The following CTNND2 variants were observed in gnomAD, a reference collection of about 807,000 sequenced individuals.
CTNND2 encodes the protein catenin delta-2.
CTNND2 carries 22 observed loss-of-function variants against 144.4 expected under a neutral mutation model. The ratio of observed to expected loss-of-function variants is 0.15; its 90% CI spans 0.11 to 0.22. The LOEUF (loss-of-function observed/expected upper bound fraction) is 0.22, where lower values mean the gene tolerates loss of function less well. Ranked by LOEUF, CTNND2 falls within the 10% of genes least tolerant of loss-of-function variation. The pLI is 1.00. For missense variants in CTNND2, 1,353 were observed against 1,618.8 expected (o/e 0.84, Z 2.82); for synonymous variants, 751 against 695.6 (o/e 1.08, Z -1.25).
At chr5:11,253,653 G>A (rs575024656) in intron 9 of CTNND2, among the ~76,000 whole-genome samples, 414 of 152,254 alleles carry the variant, frequency 2.7e-3, no homozygotes, top group Non-Finnish European at 4.4e-3. Flanking sequence ...TATCAGCAGT[G>A]TGAAAACAGA....
chr5:11,148,079 T>G (rs763544859), intron 12 of CTNND2, among the ~76,000 whole-genome samples: 7 of 152,180 alleles, frequency 4.6e-5, no homozygotes, highest in Non-Finnish European at 1.0e-4. Flanking sequence ...ATAAAAGTCA[T>G]CTATTGTAGG....
chr5:11,563,457 C>T (rs1395010597), intron 3 of CTNND2, among the ~76,000 whole-genome samples: 2 of 152,078 alleles, frequency 1.3e-5, no homozygotes, highest in Admixed American at 1.3e-4. Flanking sequence ...TTTCTCTCTC[C>T]CTAAATTCAC....
At chr5:11,388,538 T>A (rs1275898150) in intron 6 of CTNND2, among the ~76,000 whole-genome samples, 1 of 152,238 alleles carries the variant, frequency 6.6e-6, no homozygotes, top group Non-Finnish European at 1.5e-5. Flanking sequence ...GGTGCTATAC[T>A]CCATTTCAAT....
In CTNND2 at chr5:11,392,875, C is replaced by T. The variant is rs61749816; in HGVS notation, c.612+4156G>A. Among the ~76,000 whole-genome samples the T allele has an allele frequency of 1.9e-3, 285 of 152,324 alleles. 2 individuals are homozygous for T. The highest frequency in any genetic ancestry group is 6.7e-3 in the African/African-American group (278 of 41,574). ...CTCTGCAGGTTTTACCTAACAACAA[C>T]TTATTTCATAATTAAGCAAATGGGA... is the stretch of plus-strand genomic sequence containing the variant. On this transcript the variant is annotated intron_variant, in intron 6 of 21. Transcript: ENST00000304623.
In CTNND2 at chr5:11,903,628, G is replaced by A. The variant is rs1179066769; in HGVS notation, c.37+189C>T. 1.3e-5 allele frequency among the ~76,000 whole-genome samples: 2 copies of A among 152,164 alleles called. No homozygotes were observed. Among genetic ancestry groups the A allele is most frequent in the Non-Finnish European group, 2.9e-5 (2 of 68,034 alleles). ...GGCACTAACCCCGGACCCCCTTCCA[G>A]GCACAGCGGCTTCCGAGGGGGACCT... On this transcript the variant is annotated intron_variant, in intron 1 of 21. Transcript: ENST00000304623. The surrounding 1 kb of genome is among the most constrained non-coding windows in gnomAD (Gnocchi z 5.4).
chr5:11,481,447 C>T (rs1455419874), intron 3 of CTNND2, among the ~76,000 whole-genome samples: 2 of 152,016 alleles, frequency 1.3e-5, no homozygotes, highest in Admixed American at 6.6e-5. Flanking sequence ...TCTGTCTCTA[C>T]AAAAAATTAG....
At chr5:11,037,557 T>C (rs183191460) in intron 16 of CTNND2, among the ~76,000 whole-genome samples, 385 of 152,302 alleles carry the variant, frequency 2.5e-3, no homozygotes, top group Non-Finnish European at 4.7e-3. Flanking sequence ...TTTGAGAAAG[T>C]GGAGTGCCTA....
rs61750298 is a variant in CTNND2, at chr5:11,075,406, C to T, written c.2788+7290G>A. 5.3e-5 allele frequency among the ~76,000 whole-genome samples: 8 copies of T among 152,352 alleles called. No homozygotes were observed. The East Asian group carries it at 1.5e-3, about 29-fold the overall frequency. On this transcript the variant is annotated intron_variant, in intron 16 of 21. Transcript: ENST00000304623. Reference sequence around the variant, plus strand: ...CGTCAGTCAAAGGAAGATTCTTACACAGCCTCCCCAATGTGGTGAAGCAGC... The same window carrying T: ...CGTCAGTCAAAGGAAGATTCTTACATAGCCTCCCCAATGTGGTGAAGCAGC...
intron 1 of CTNND2, among the ~76,000 whole-genome samples, chr5:11,893,983 T>C (rs1225503371): frequency 6.6e-6 from 1 of 152,218 alleles, no homozygotes; most frequent in African/African-American, 2.4e-5. Context: ...TTGACTTCTT[T>C]ACTTCCTTCA....
At chr5:11,024,158 C>T (rs7702184) in intron 16 of CTNND2, among the ~76,000 whole-genome samples, 32,972 of 152,082 alleles carry the variant, frequency 0.22, 6,582 homozygotes, top group East Asian at 0.53. Context: ...TGGGAGTAGG[C>T]GATGATATCT....
intron 9 of CTNND2, among the ~76,000 whole-genome samples, chr5:11,240,853 AC>A (rs545104685): frequency 2.6e-4 from 37 of 140,168 alleles, no homozygotes; most frequent in African/African-American, 5.7e-4. Context: ...CACACCCAAC[AC>A]ATACACTCAG....
chr5:11,188,997 G>A (rs1735968277), intron 11 of CTNND2, among the ~76,000 whole-genome samples: 1 of 152,136 alleles, frequency 6.6e-6, no homozygotes, highest in Admixed American at 6.5e-5. Context: ...ATTTGTCTCA[G>A]TTTATTGTCT....
At chr5:11,550,415 G>A (rs1463839033) in intron 3 of CTNND2, among the ~76,000 whole-genome samples, 1 of 152,190 alleles carries the variant, frequency 6.6e-6, no homozygotes, top group Non-Finnish European at 1.5e-5. Context: ...AAAATGACGA[G>A]GACTTCCCAA....
chr5:11,261,383 T>G (rs959998349), intron 9 of CTNND2, among the ~76,000 whole-genome samples: 3 of 152,214 alleles, frequency 2.0e-5, no homozygotes, highest in African/African-American at 7.2e-5. Flanking sequence ...TGTTATTTGT[T>G]GCACACTGAC....
chr5:11,825,476 T>C (rs1467815340), intron 1 of CTNND2, among the ~76,000 whole-genome samples: 1 of 152,006 alleles, frequency 6.6e-6, no homozygotes, highest in Non-Finnish European at 1.5e-5. Context: ...GTCTAACCTA[T>C]GGGTAACTGG....
At chr5:11,777,943 C>T (rs888218732) in intron 1 of CTNND2, among the ~76,000 whole-genome samples, 16 of 152,042 alleles carry the variant, frequency 1.1e-4, no homozygotes, top group African/African-American at 3.6e-4. Context: ...CTAAAGTAGT[C>T]CCAGAATAAA....
At chr5:11,108,845 A>G (rs778568347) in intron 14 of CTNND2, among the ~76,000 whole-genome samples, 10 of 152,202 alleles carry the variant, frequency 6.6e-5, no homozygotes, top group Non-Finnish European at 1.3e-4. Context: ...CCACCTCAGG[A>G]CACCATCACA....
chr5:11,728,200 C>T (rs1191089037), intron 2 of CTNND2, among the ~76,000 whole-genome samples: 2 of 152,092 alleles, frequency 1.3e-5, no homozygotes, highest in East Asian at 1.9e-4. Context: ...CAGCTGGGCA[C>T]GGTGGCTCAC....
At chr5:11,196,799 G>A (rs980738938) in intron 11 of CTNND2, among the ~76,000 whole-genome samples, 1 of 152,198 alleles carries the variant, frequency 6.6e-6, no homozygotes, top group Non-Finnish European at 1.5e-5. Flanking sequence ...CACTGTAGGG[G>A]GCACTGGTGT....
Sources: gnomAD v4.1 joint callset for allele counts (sites outside exome capture counted in the v4.1 genomes callset) on GRCh38, gnomAD v4.1.1 for gene constraint, Gnocchi (gnomAD v3.1) non-coding constraint, MANE v1.5 for transcripts, NCBI Gene and HGNC (gene_info 2026-07-23, HGNC 2026-07-21) for gene names.